Variants in PID1 observed in about 807,000 individuals in gnomAD.
PID1 encodes the protein phosphotyrosine interaction domain containing 1.
PID1 carries 10 observed loss-of-function variants against 19.1 expected under a neutral mutation model. The observed-to-expected ratio is 0.52, with a 90% confidence interval of 0.32 to 0.89. The LOEUF (loss-of-function observed/expected upper bound fraction) is 0.89. Among genes scored for constraint, PID1 ranks in the 40% least tolerant of loss-of-function variants. PID1 has a pLI of 0.03. For synonymous variants in PID1, 130 were observed against 116.0 expected, an observed-to-expected ratio of 1.12 and a Z score of -0.78; for missense variants, 248 against 285.3, an observed-to-expected ratio of 0.87 and a Z score of 0.94.
intron 1 of PID1, among the ~76,000 whole-genome samples, chr2:229,219,228 C>T (rs947398600): frequency 6.6e-6 from 1 of 152,026 alleles, no homozygotes; most frequent in African/African-American, 2.4e-5. Context: ...ACCCGAGACG[C>T]GAGACTGGGT....
intron 1 of PID1, among the ~76,000 whole-genome samples, chr2:229,199,687 A>G (rs1195547418): frequency 6.7e-6 from 1 of 149,684 alleles, no homozygotes; most frequent in East Asian, 2.0e-4. Flanking sequence ...CATGGAATAT[A>G]TATGTCTTCA....
chr2:229,125,977 A>T (rs975583), intron 2 of PID1, among the ~76,000 whole-genome samples: 1 of 152,050 alleles, frequency 6.6e-6, no homozygotes, highest in South Asian at 2.1e-4. Flanking sequence ...TGCTACTTAG[A>T]GAGCAATAGA....
chr2:229,232,056 G>A (rs1447106664), intron 1 of PID1: 2 of 1,539,214 alleles, frequency 1.3e-6, no homozygotes, highest in South Asian at 1.2e-5. Flanking sequence ...GCTGAACATG[G>A]CACGAAGCCT....
At chr2:229,118,145 A>G (rs1695446847) in intron 2 of PID1, among the ~76,000 whole-genome samples, 1 of 152,178 alleles carries the variant, frequency 6.6e-6, no homozygotes, top group African/African-American at 2.4e-5. Flanking sequence ...TGAATGCATC[A>G]CAAAGAAAGT....
At chr2:229,110,925 T>A (rs1171069667) in intron 2 of PID1, among the ~76,000 whole-genome samples, 1 of 152,140 alleles carries the variant, frequency 6.6e-6, no homozygotes, top group East Asian at 1.9e-4. Context: ...GGATTGTAGC[T>A]CCCATAATTC....
At chr2:229,044,892 C>A (rs906569771) in intron 2 of PID1, among the ~76,000 whole-genome samples, 1 of 152,124 alleles carries the variant, frequency 6.6e-6, no homozygotes, top group Non-Finnish European at 1.5e-5. Flanking sequence ...TTCTCCTTAA[C>A]GTCCAACATT....
At chr2:229,026,155 C>T in intron 2 of PID1, 47 bp from the exon 3 acceptor site, 1 of 1,325,300 alleles carries the variant, frequency 7.5e-7, no homozygotes, top group Admixed American at 1.7e-5. Context: ...GCAGAAGGCT[C>T]TTTGTTCTGA....
intron 1 of PID1, among the ~76,000 whole-genome samples, chr2:229,168,212 T>C (rs927032192): frequency 6.6e-6 from 1 of 152,202 alleles, no homozygotes; most frequent in Non-Finnish European, 1.5e-5. Flanking sequence ...TATCTTCCAT[T>C]ATTTTTGGAA....
intron 2 of PID1, among the ~76,000 whole-genome samples, chr2:229,112,976 T>C (rs1178665126): frequency 6.6e-6 from 1 of 152,176 alleles, no homozygotes; most frequent in Admixed American, 6.5e-5. Context: ...ACCAAGGCCC[T>C]ATCTCTATCT....
chr2:229,262,782 G>A, intron 1 of PID1: 2 of 1,551,520 alleles, frequency 1.3e-6, no homozygotes, highest in Non-Finnish European at 1.7e-6. Context: ...CTAACATCAG[G>A]TGGTTGCCAG....
At chr2:229,118,205 C>T (rs540077613) in intron 2 of PID1, among the ~76,000 whole-genome samples, 1 of 152,256 alleles carries the variant, frequency 6.6e-6, no homozygotes, top group South Asian at 2.1e-4. Flanking sequence ...TCCAAACCAT[C>T]CATCTCTTTT....
chr2:229,200,686 T>C (rs932410785), intron 1 of PID1, among the ~76,000 whole-genome samples: 1 of 152,074 alleles, frequency 6.6e-6, no homozygotes, highest in Non-Finnish European at 1.5e-5. Context: ...TTGTTTTTCA[T>C]GATTTAATTT....
intron 2 of PID1, among the ~76,000 whole-genome samples, chr2:229,029,531 G>A (rs75167324): frequency 0.13 from 20,390 of 152,012 alleles, 1,521 homozygotes; most frequent in East Asian, 0.33. Flanking sequence ...AGAAAACAGC[G>A]TGGCGGTTCT....
Position 229,197,659 on chromosome 2 carries a change from G to A in PID1, c.31-41695C>T, listed in dbSNP as rs556001215. ...ATTGGGTGGTAAACAATTACAAATTGGTACCAGGATAAAGTAAAAATTTCT... is the reference window on the plus strand; with the variant it reads ...ATTGGGTGGTAAACAATTACAAATTAGTACCAGGATAAAGTAAAAATTTCT... On this transcript the variant is annotated intron_variant, in intron 1 of 2. Coordinates refer to ENST00000392055, the MANE Select transcript of PID1 (RefSeq NM_001100818.2). Among the ~76,000 whole-genome samples the A allele has an allele frequency of 2.6e-4, 39 of 151,914 alleles. No individual in the cohort carries two copies. In the South Asian group the frequency reaches 8.1e-3, roughly 31 times the overall value.
intron 1 of PID1, among the ~76,000 whole-genome samples, chr2:229,232,402 A>G (rs1418639178): frequency 8.7e-6 from 1 of 115,444 alleles, no homozygotes; most frequent in African/African-American, 3.3e-5. Context: ...ACTGTACTCT[A>G]GCCTGGGTGA....
chr2:229,133,715 A>G (rs570845493), intron 2 of PID1, among the ~76,000 whole-genome samples: 22 of 152,290 alleles, frequency 1.4e-4, no homozygotes, highest in Non-Finnish European at 2.6e-4. Flanking sequence ...TATTTAAACC[A>G]GCCAATGAGC....
At position 229,155,962 on chromosome 2, in the gene PID1, G is replaced by T; in HGVS notation, c.33C>A (p.His11Gln). Residue 11 changes from histidine (H) to glutamine (Q), a missense_variant and splice_region_variant, in exon 2 of 3, where the codon CAC (histidine) becomes CAA (glutamine). Physicochemically the swap from His to Gln is conservative, Grantham distance 24. Transcript: ENST00000392055. ...ATTTAGACTTCAGCATGGTCTGAAA[G>T]TGCTGAAAAGCAGAAAAATAAGCCA... MWQPATERLQ[H>Q]FQTMLKSKLN... 1 of 1,612,154 alleles carries T rather than the reference G, an allele frequency of 6.2e-7. No individual in the cohort carries two copies. Among genetic ancestry groups the T allele is most frequent in the Non-Finnish European group, 8.5e-7 (1 of 1,179,528 alleles).
intron 1 of PID1, among the ~76,000 whole-genome samples, chr2:229,264,454 T>A (rs1385606603): frequency 6.6e-6 from 1 of 152,148 alleles, no homozygotes; most frequent in African/African-American, 2.4e-5. Flanking sequence ...GGGACCCAAG[T>A]GATCAAGGGC....
At chr2:229,189,448 A>G (rs1691209327) in intron 1 of PID1, among the ~76,000 whole-genome samples, 1 of 152,226 alleles carries the variant, frequency 6.6e-6, no homozygotes, top group African/African-American at 2.4e-5. Context: ...TAATCCCAGC[A>G]CTTTGGGAGG....
Sources: allele counts gnomAD v4.1 joint callset (sites outside exome capture counted in the v4.1 genomes callset), GRCh38; gene constraint gnomAD v4.1.1; transcripts MANE v1.5; gene names NCBI Gene and HGNC (gene_info 2026-07-23, HGNC 2026-07-21).